The following CYP2F1 variants were observed in gnomAD, a reference collection of about 807,000 sequenced individuals.
CYP2F1 encodes the protein cytochrome P450 2F1.
Under a neutral mutation model 40.4 loss-of-function variants are expected in CYP2F1, and 33 were observed. The observed-to-expected ratio is 0.82, with a 90% CI of 0.62 to 1.09. The LOEUF is 1.09. Among genes scored for constraint, CYP2F1 ranks in the 50% least tolerant of loss-of-function variants. The probability of loss-of-function intolerance (pLI) is 0.00; values close to 1 mark genes in which losing one functional copy is unlikely to be tolerated. For synonymous variants in CYP2F1, 235 were observed against 277.2 expected (o/e 0.85, Z 1.51); for missense variants, 566 against 655.7 (o/e 0.86, Z 1.49).
chr19:41,122,798 A>T, intron 6 of CYP2F1, 24 bp from the exon 7 acceptor site: 1 of 1,515,378 alleles, frequency 6.6e-7, no homozygotes, highest in Non-Finnish European at 8.8e-7. Flanking sequence ...CCTGGCTCAC[A>T]TCCCCACCCC....
At chr19:41,119,836 G>A (rs1340428718) in intron 3 of CYP2F1, among the ~76,000 whole-genome samples, 2 of 148,034 alleles carry the variant, frequency 1.4e-5, no homozygotes, top group African/African-American at 5.0e-5. Flanking sequence ...AGCTAGTCAG[G>A]AGGCTGAGGC....
At chr19:41,124,086 C>T (rs2032386408) in intron 7 of CYP2F1, among the ~76,000 whole-genome samples, 1 of 151,914 alleles carries the variant, frequency 6.6e-6, no homozygotes, top group African/African-American at 2.4e-5. Context: ...CAGTAGAGCC[C>T]CAAAACTGCT....
rs1439373765 is a variant in CYP2F1, at chr19:41,121,396, T to C, written c.485-62T>C. On this transcript the variant is annotated intron_variant, in intron 4 of 9. Transcript: ENST00000331105. ...ATGTTGTACAAATTAATGGTGTTGC[T>C]GCATGAGGTCTGGTGTGCTGCACAT... The C allele has an allele frequency of 2.3e-5, 34 of 1,495,144 alleles. 1 individual carries two copies. The highest frequency in any genetic ancestry group is 3.0e-5 in the Non-Finnish European group (33 of 1,095,388). The allele number at this position is 1,495,144 out of a possible 1,614,324, so 92.6% of individuals were successfully genotyped here.
In CYP2F1 at chr19:41,124,642, G is replaced by C. The variant is rs1324926819; in HGVS notation, c.965-77G>C. 6 of 1,341,032 alleles carry C rather than the reference G, an allele frequency of 4.5e-6. No homozygotes were observed. In the East Asian group the frequency reaches 7.3e-5, roughly 16 times the overall value. The allele number at this position is 1,341,032 out of a possible 1,614,324, so 83.1% of individuals were successfully genotyped here. A position where few individuals can be genotyped will look rare whatever the true frequency, so the allele number is the denominator to read the frequency against. On this transcript the variant is annotated intron_variant, in intron 7 of 9. Transcript: ENST00000331105. ...TTTGACTAGACGCCTCCCCACACAC[G>C]CACACACCTCTTATCAGCCTGGTTG...
At position 41,120,909 on chromosome 19, in the gene CYP2F1, C is replaced by G. The variant is rs1025870363; in HGVS notation, c.484+413C>G. On this transcript the variant is annotated intron_variant, in intron 4 of 9. Transcript: ENST00000331105. ...GATCTCAGCTCATTGCAACCTCCGC[C>G]TCCTGAGTTCAAGCGATTCTGCTTG... 2.6e-5 allele frequency among the ~76,000 whole-genome samples: 4 copies of G among 152,018 alleles called. No homozygotes were observed. In the South Asian group the frequency reaches 6.2e-4, roughly 24 times the overall value.
intron 3 of CYP2F1, among the ~76,000 whole-genome samples, chr19:41,119,683 GTCTCTCTCTCTCTC>G (rs1159535426): frequency 0.024 from 316 of 13,380 alleles, 8 homozygotes; most frequent in African/African-American, 0.051. Context: ...GCAAGACTCC[GTCTCTCTCTCTCTC>G]TCTCTCTCTC....
At chr19:41,123,865 C>T (rs2032375363) in intron 7 of CYP2F1, among the ~76,000 whole-genome samples, 1 of 152,090 alleles carries the variant, frequency 6.6e-6, no homozygotes, top group South Asian at 2.1e-4. Flanking sequence ...CGTCAACCAC[C>T]ACATGCGTCC....
intron 6 of CYP2F1, among the ~76,000 whole-genome samples, 194 bp from the exon 7 acceptor site, chr19:41,122,628 C>A (rs1292000688): frequency 6.6e-6 from 1 of 152,078 alleles, no homozygotes; most frequent in Non-Finnish European, 1.5e-5. Context: ...GTCATTCAAG[C>A]TCTATCCAAG....
Position 41,120,426 on chromosome 19 carries a change from G to C in CYP2F1, c.414G>C (p.Gly138=). The C allele has an allele frequency of 6.2e-7, 1 of 1,614,144 alleles. No individual in the cohort carries two copies. The highest frequency in any genetic ancestry group is 8.5e-7 in the Non-Finnish European group (1 of 1,180,000). The part of the protein sequence containing the change: ...SIQILRNFGM[G]KRSIEERILE... ...AGATTCTACGGAATTTCGGGATGGG[G>C]AAGAGAAGCATTGAGGAGCGAATCC... Residue 138 remains glycine (G), a synonymous_variant, in exon 4 of 10, where the codon GGG becomes GGC. Transcript: ENST00000331105.
In CYP2F1 at chr19:41,124,887, G is replaced by T; in HGVS notation, c.1133G>T (p.Arg378Leu). 1.2e-6 allele frequency: 2 copies of T among 1,606,396 alleles called. No homozygotes were observed. Among genetic ancestry groups the T allele is most frequent in the Non-Finnish European group, 8.5e-7 (1 of 1,177,976 alleles). Residue 378 changes from arginine to leucine, a missense_variant, in exon 8 of 10, where the codon CGC becomes CTC. Arg to Leu is a moderately radical substitution (Grantham distance 102, BLOSUM62 -2). Transcript: ENST00000331105. ...PHRVTRDTAF[R>L]GFLIPKGTDV... The stretch of plus-strand genomic sequence containing the variant: ...CGCGTCACTAGGGACACGGCCTTTC[G>T]CGGCTTCCTGATACCCAAGGTGCGC...
chr19:41,116,681 G>A (rs2031832404), intron 3 of CYP2F1, 64 bp downstream of exon 3: 3 of 1,553,018 alleles, frequency 1.9e-6, no homozygotes, highest in African/African-American at 1.4e-5. Context: ...GGGTGAGGGT[G>A]AGAGACTGTT....
At chr19:41,124,253 C>CCG (rs2032408054) in intron 7 of CYP2F1, among the ~76,000 whole-genome samples, 5 of 93,194 alleles carry the variant, frequency 5.4e-5, no homozygotes, top group Admixed American at 1.1e-4. Flanking sequence ...CTTCCCCCCC[C>CCG]CCTTTTTTTT....
At chr19:41,115,376 CT>C (rs1440110961) in intron 1 of CYP2F1, among the ~76,000 whole-genome samples, 1 of 152,114 alleles carries the variant, frequency 6.6e-6, no homozygotes, top group Non-Finnish European at 1.5e-5. Flanking sequence ...CTGTGTCTGT[CT>C]AGTTCTGTCT....
chr19:41,124,255 C>CTTTT (rs61661824), intron 7 of CYP2F1, among the ~76,000 whole-genome samples: 1 of 35,278 alleles, frequency 2.8e-5, no homozygotes, highest in African/African-American at 1.2e-4. Context: ...TCCCCCCCCC[C>CTTTT]TTTTTTTTTT....
At position 41,122,908 on chromosome 19, in the gene CYP2F1, G is replaced by A; in HGVS notation, c.909G>A (p.Val303=). 3 of 1,609,922 alleles carry A rather than the reference G, an allele frequency of 1.9e-6. No homozygotes were observed. The highest frequency in any genetic ancestry group is 1.7e-6 in the Non-Finnish European group (2 of 1,177,648). ...HNLLFGGTKT[V]STTLHHAFLA... is the part of the protein sequence containing the mutation. Reference sequence around the variant, plus strand: ...TGCTCTTTGGCGGCACCAAGACGGTGAGCACCACGCTGCACCACGCCTTCC... The same window carrying A: ...TGCTCTTTGGCGGCACCAAGACGGTAAGCACCACGCTGCACCACGCCTTCC... The change falls in exon 7 of 10, where the codon GTG becomes GTA. Residue 303 remains valine, a synonymous_variant. Coordinates refer to ENST00000331105, the MANE Select transcript of CYP2F1 (RefSeq NM_000774.5).
chr19:41,116,765 G>C (rs1487458082), intron 3 of CYP2F1, 148 bp downstream of exon 3: 1 of 910,034 alleles, frequency 1.1e-6, no homozygotes, highest in African/African-American at 1.7e-5. Flanking sequence ...AGGCAGTGTT[G>C]GTCTATGGCA....
chr19:41,115,628 T>C (rs963731114), intron 1 of CYP2F1, among the ~76,000 whole-genome samples: 1 of 152,042 alleles, frequency 6.6e-6, no homozygotes, highest in African/African-American at 2.4e-5. Context: ...AGATGATAGA[T>C]AATAGACAGA....
Position 41,127,800 on chromosome 19 carries a change from G to A in CYP2F1, c.1295-101G>A. On this transcript the variant is annotated intron_variant, in intron 9 of 9. Transcript: ENST00000331105. ...GGGTGAATCTGTGACGTCCCCAGCT[G>A]CTGTCTTCCTTTCCTCTTATGTTTT... 3 of 791,152 alleles carry A rather than the reference G, an allele frequency of 3.8e-6. No homozygotes were observed. In the South Asian group the frequency reaches 5.3e-5, roughly 14 times the overall value. 49.0% of individuals were successfully genotyped at this position (791,152 alleles called of 1,614,324 possible).
rs577128494 is a variant in CYP2F1 at position 41,124,882 on chromosome 19, C to A, written c.1128C>A (p.Ala376=). The change falls in exon 8 of 10, where the codon GCC becomes GCA. Residue 376 remains alanine, a synonymous_variant. Transcript: ENST00000331105. ...NLPHRVTRDT[A]FRGFLIPKGT... is the part of the protein sequence containing the mutation. ...CGCACCGCGTCACTAGGGACACGGCCTTTCGCGGCTTCCTGATACCCAAGG... is the reference window on the plus strand; with the variant it reads ...CGCACCGCGTCACTAGGGACACGGCATTTCGCGGCTTCCTGATACCCAAGG... The A allele has an allele frequency of 6.2e-7, 1 of 1,607,286 alleles. No individual in the cohort carries two copies. Among genetic ancestry groups the A allele is most frequent in the African/African-American group, 1.3e-5 (1 of 74,914 alleles).
Sources: allele counts gnomAD v4.1 joint callset (sites outside exome capture counted in the v4.1 genomes callset), GRCh38; gene constraint gnomAD v4.1.1; transcripts MANE v1.5; gene names NCBI Gene and HGNC (gene_info 2026-07-23, HGNC 2026-07-21).